ZFAT: variants seen among roughly 807,000 people sequenced by gnomAD.
The protein encoded by ZFAT is zinc finger and AT-hook domain containing.
Under a neutral mutation model 117.7 loss-of-function variants are expected in ZFAT, and 64 were observed. The ratio of observed to expected loss-of-function variants is 0.54; its 90% CI spans 0.44 to 0.67. The LOEUF (loss-of-function observed/expected upper bound fraction) is 0.67, where lower values mean the gene tolerates loss of function less well. ZFAT is among the 30% of genes least tolerant of loss of function. ZFAT has a pLI of 0.00. For missense variants in ZFAT, 1,433 were observed against 1,584.5 expected (o/e 0.90, Z 1.62); for synonymous variants, 679 against 615.0 (o/e 1.10, Z -1.54).
upstream of ZFAT, among the ~76,000 whole-genome samples, chr8:134,714,631 T>G (rs970621378): frequency 6.6e-6 from 1 of 152,330 alleles, no homozygotes; most frequent in African/African-American, 2.4e-5. Context: ...CTCACAGATA[T>G]AGCCTCCCCC....
At chr8:134,656,423 C>T (rs1328105413) in intron 2 of ZFAT, among the ~76,000 whole-genome samples, 1 of 152,194 alleles carries the variant, frequency 6.6e-6, no homozygotes, top group African/African-American at 2.4e-5. Context: ...ACTGCTGCTC[C>T]TTATTCACCC....
intron 6 of ZFAT, 44 bp downstream of exon 6, chr8:134,601,433 G>T: frequency 6.4e-7 from 1 of 1,554,132 alleles, no homozygotes; most frequent in South Asian, 1.2e-5. Flanking sequence ...ACCACAGCAT[G>T]ATGGTTGTGG....
At chr8:134,610,046 G>A (rs978846653) in intron 4 of ZFAT, among the ~76,000 whole-genome samples, 1 of 152,230 alleles carries the variant, frequency 6.6e-6, no homozygotes, top group Non-Finnish European at 1.5e-5. Context: ...ATGGTGGGCA[G>A]AGTTAGCATG....
At chr8:134,652,947 T>A (rs1443792224) in intron 2 of ZFAT, among the ~76,000 whole-genome samples, 1 of 152,076 alleles carries the variant, frequency 6.6e-6, no homozygotes, top group African/African-American at 2.4e-5. Context: ...CAATGTACAA[T>A]GATATTCATG....
chr8:134,785,324 C>G, the ZFAT span: 3 of 152,070 alleles, frequency 2.0e-5, no homozygotes, highest in Non-Finnish European at 2.9e-5. Flanking sequence ...GTGGCTGGCC[C>G]TCTAATATTC....
chr8:134,571,682 A>G (rs1824919244), intron 10 of ZFAT, among the ~76,000 whole-genome samples: 1 of 152,240 alleles, frequency 6.6e-6, no homozygotes, highest in African/African-American at 2.4e-5. Context: ...CCTACACAGC[A>G]CTATGAACCA....
chr8:134,564,914 C>A, intron 11 of ZFAT: 2 of 1,196,440 alleles, frequency 1.7e-6, no homozygotes, highest in Non-Finnish European at 2.1e-6. Flanking sequence ...TGGACACTCC[C>A]GAACACAATC....
intron 2 of ZFAT, 89 bp downstream of exon 2, chr8:134,657,472 A>G (rs938269527): frequency 7.6e-7 from 1 of 1,324,394 alleles, no homozygotes; most frequent in African/African-American, 1.5e-5. Flanking sequence ...GGAAATGTGG[A>G]TTTTCTAGGC....
At chr8:134,740,402 T>C in the ZFAT span, among the ~76,000 whole-genome samples, 1 of 152,210 alleles carries the variant, frequency 6.6e-6, no homozygotes, top group African/African-American at 2.4e-5. Flanking sequence ...CAAATGCTGG[T>C]CCCTAAACAA....
At chr8:134,542,073 C>T (rs951591983) in intron 11 of ZFAT, among the ~76,000 whole-genome samples, 1 of 152,246 alleles carries the variant, frequency 6.6e-6, no homozygotes. Flanking sequence ...GACTTGCCCA[C>T]TTCTCTGACC....
chr8:134,565,565 C>CACAG, intron 10 of ZFAT, 144 bp from the exon 11 acceptor site: 1 of 793,610 alleles, frequency 1.3e-6, no homozygotes, highest in Non-Finnish European at 2.1e-6. Context: ...CGACGAGGTG[C>CACAG]ACAGGCACAA....
chr8:134,479,062 G>A (rs1817105984), intron 15 of ZFAT, among the ~76,000 whole-genome samples: 1 of 152,220 alleles, frequency 6.6e-6, no homozygotes, highest in Non-Finnish European at 1.5e-5. Flanking sequence ...GGAAGGCATG[G>A]TGGGGGTTAG....
intron 1 of ZFAT, among the ~76,000 whole-genome samples, chr8:134,711,532 G>A (rs1813996807): frequency 6.6e-6 from 1 of 152,164 alleles, no homozygotes; most frequent in Admixed American, 6.5e-5. Flanking sequence ...TGAGGCGGGA[G>A]GTTTACCTGA....
the ZFAT span, among the ~76,000 whole-genome samples, chr8:134,746,688 G>GCTGAGTCATCTGTACAGTT: frequency 1.3e-5 from 2 of 152,110 alleles, no homozygotes; most frequent in Non-Finnish European, 2.9e-5. Flanking sequence ...TTCCCCCAGT[G>GCTGAGTCATCTGTACAGTT]CTGAGTCATC....
chr8:134,800,254 T>TAATAAATTTTA, the ZFAT span, among the ~76,000 whole-genome samples: 1 of 152,154 alleles, frequency 6.6e-6, no homozygotes, highest in Non-Finnish European at 1.5e-5. Context: ...AAAGGAATTT[T>TAATAAATTTTA]AATAAATTTA....
At position 134,705,328 on chromosome 8, in the gene ZFAT, T is replaced by A. The variant is rs565518710; in HGVS notation, c.19+7517A>T. On this transcript the variant is annotated intron_variant, in intron 1 of 15. Transcript: ENST00000377838. ...TGATCCTCCCACCTCAGCCTCCTGA[T>A]TAGCTGGGACCAAAGGCATCCACCA... Among the ~76,000 whole-genome samples, 6 of 151,312 alleles carry A rather than the reference T, an allele frequency of 4.0e-5. No individual in the cohort carries two copies. The South Asian group carries it at 1.0e-3, about 26-fold the overall frequency.
intron 3 of ZFAT, among the ~76,000 whole-genome samples, chr8:134,620,676 G>A (rs774017894): frequency 5.9e-5 from 9 of 152,322 alleles, no homozygotes; most frequent in African/African-American, 1.4e-4. Flanking sequence ...AGGATACAGC[G>A]CAGGGCCAAA....
chr8:134,771,753 T>C, the ZFAT span, among the ~76,000 whole-genome samples: 1 of 152,218 alleles, frequency 6.6e-6, no homozygotes, highest in Middle Eastern at 3.2e-3. Context: ...ACCAATTTAC[T>C]GTATTAAGTT....
chr8:134,535,482 T>G, intron 11 of ZFAT, among the ~76,000 whole-genome samples: 1 of 34,014 alleles, frequency 2.9e-5, no homozygotes, highest in South Asian at 1.4e-3. Context: ...CCTCTCCCCC[T>G]CCCCCTCCCC....
Sources: allele counts gnomAD v4.1 joint callset (sites outside exome capture counted in the v4.1 genomes callset), GRCh38; gene constraint gnomAD v4.1.1; transcripts MANE v1.5; gene names NCBI Gene and HGNC (gene_info 2026-07-23, HGNC 2026-07-21).